Variants in NBEA observed in about 807,000 individuals in gnomAD.
The protein encoded by NBEA is lysosomal-trafficking regulator 2.
NBEA carries 44 observed loss-of-function variants against 343.4 expected under a neutral mutation model. The ratio of observed to expected loss-of-function variants is 0.13; its 90% confidence interval spans 0.10 to 0.16. The LOEUF is 0.16. Ranked by LOEUF, NBEA falls within the 10% of genes least tolerant of loss-of-function variation. The probability of loss-of-function intolerance (pLI) is 1.00; values close to 1 mark genes in which losing one functional copy is unlikely to be tolerated. For missense variants in NBEA, 2,555 were observed against 3,631.3 expected, an observed-to-expected ratio of 0.70 and a Z score of 7.62; for synonymous variants, 1,175 against 1,238.7, an observed-to-expected ratio of 0.95 and a Z score of 1.08.
intron 45 of NBEA, among the ~76,000 whole-genome samples, chr13:35,570,128 G>T (rs1198819150): frequency 6.6e-6 from 1 of 152,156 alleles, no homozygotes; most frequent in Non-Finnish European, 1.5e-5. Flanking sequence ...CCTCCTCCCA[G>T]GTTCAAGCGA....
At chr13:35,327,473 G>A (rs2038646008) in intron 36 of NBEA, among the ~76,000 whole-genome samples, 1 of 152,014 alleles carries the variant, frequency 6.6e-6, no homozygotes, top group Admixed American at 6.6e-5. Flanking sequence ...CACGTTCTTT[G>A]CAGCAATATC....
At chr13:35,064,458 A>G (rs766035334) in intron 8 of NBEA, among the ~76,000 whole-genome samples, 14 of 152,142 alleles carry the variant, frequency 9.2e-5, no homozygotes, top group Non-Finnish European at 1.9e-4. Flanking sequence ...CATAAAGAAC[A>G]GTCTCAGAAT....
At chr13:35,224,987 G>A (rs1444689392) in intron 33 of NBEA, among the ~76,000 whole-genome samples, 1 of 152,026 alleles carries the variant, frequency 6.6e-6, no homozygotes, top group Non-Finnish European at 1.5e-5. Flanking sequence ...TGTGTACCAC[G>A]GACTTTAAAT....
intron 41 of NBEA, among the ~76,000 whole-genome samples, chr13:35,486,091 C>G (rs1031993521): frequency 2.1e-4 from 32 of 152,128 alleles, no homozygotes; most frequent in African/African-American, 7.7e-4. Context: ...ATGGTAAAGC[C>G]TCAATTCTCC....
chr13:35,063,217 G>A (rs1337699856), intron 8 of NBEA, among the ~76,000 whole-genome samples: 1 of 151,954 alleles, frequency 6.6e-6, no homozygotes, highest in Non-Finnish European at 1.5e-5. Context: ...AAGCAGTTGG[G>A]CACTGTTCTA....
At chr13:35,648,499 A>G (rs2084356485) in intron 51 of NBEA, among the ~76,000 whole-genome samples, 1 of 152,118 alleles carries the variant, frequency 6.6e-6, no homozygotes, top group African/African-American at 2.4e-5. Context: ...TAATAATAAT[A>G]AAAATATTTA....
At chr13:35,137,383 G>A (rs1384183206) in intron 17 of NBEA, among the ~76,000 whole-genome samples, 2 of 151,828 alleles carry the variant, frequency 1.3e-5, no homozygotes, top group African/African-American at 4.8e-5. Flanking sequence ...GCAGGAGGCG[G>A]AGCTTGCAGT....
intron 34 of NBEA, among the ~76,000 whole-genome samples, chr13:35,238,423 A>G (rs567591770): frequency 1.3e-5 from 2 of 152,284 alleles, no homozygotes; most frequent in African/African-American, 2.4e-5. Flanking sequence ...GTATCTACTC[A>G]GTGTTTTTAC....
chr13:35,480,657 C>T (rs1398105856), intron 41 of NBEA, among the ~76,000 whole-genome samples: 2 of 151,882 alleles, frequency 1.3e-5, no homozygotes, highest in African/African-American at 4.8e-5. Flanking sequence ...TTGTAGCCAT[C>T]TGATTTCTTT....
At chr13:35,631,286 T>C (rs983643403) in intron 49 of NBEA, among the ~76,000 whole-genome samples, 11 of 152,174 alleles carry the variant, frequency 7.2e-5, no homozygotes, top group Non-Finnish European at 1.5e-4. Flanking sequence ...GGAGGCACAA[T>C]ACCTTTTTTT....
At chr13:35,309,456 T>A in intron 35 of NBEA, 72 bp from the exon 36 acceptor site, 1 of 781,770 alleles carries the variant, frequency 1.3e-6, no homozygotes, top group Non-Finnish European at 2.1e-6. Context: ...AATATCAACA[T>A]GATCCTTAAA....
intron 8 of NBEA, among the ~76,000 whole-genome samples, chr13:35,066,136 T>A (rs1246971076): frequency 6.6e-6 from 1 of 152,002 alleles, no homozygotes; most frequent in Non-Finnish European, 1.5e-5. Context: ...AATTTTTCAG[T>A]TTTTTATGGA....
intron 34 of NBEA, among the ~76,000 whole-genome samples, chr13:35,273,507 G>T (rs1809200277): frequency 6.6e-6 from 1 of 152,018 alleles, no homozygotes; most frequent in African/African-American, 2.4e-5. Context: ...AAATAACTAA[G>T]ATAAAGAGCA....
chr13:35,126,873 G>C (rs540822996), intron 17 of NBEA, among the ~76,000 whole-genome samples: 1 of 150,058 alleles, frequency 6.7e-6, no homozygotes, highest in East Asian at 2.0e-4. Flanking sequence ...AGCTGAGACC[G>C]TGCCATTGCA....
Position 35,159,909 on chromosome 13 carries a change from T to G in NBEA, c.3738T>G (p.Ser1246=). ...CTGCTACAACTCTGGAAACTGAGTCTTCTAGTAGCAAAATTGTACCAAATA... is the reference window on the plus strand; with the variant it reads ...CTGCTACAACTCTGGAAACTGAGTCGTCTAGTAGCAAAATTGTACCAAATA... ...EMTATTLETE[S]SSSKIVPNID... The change falls in exon 22 of 59, where the codon TCT becomes TCG. Residue 1246 remains serine (S), a synonymous_variant. Transcript: ENST00000379939. 1 of 1,597,248 alleles carries G rather than the reference T, an allele frequency of 6.3e-7. No homozygotes were observed. Among genetic ancestry groups the G allele is most frequent in the Non-Finnish European group, 8.5e-7 (1 of 1,171,024 alleles).
chr13:34,993,123 G>A (rs112402857), intron 1 of NBEA, among the ~76,000 whole-genome samples: 4,106 of 152,112 alleles, frequency 0.027, 72 homozygotes, highest in Non-Finnish European at 0.043. Context: ...ATCTTATATC[G>A]TATCTTATTA....
At chr13:35,108,570 T>C (rs1324970311) in intron 11 of NBEA, among the ~76,000 whole-genome samples, 1 of 152,124 alleles carries the variant, frequency 6.6e-6, no homozygotes, top group African/African-American at 2.4e-5. Context: ...TTTAAAAATA[T>C]TCTGAGCTGG....
intron 41 of NBEA, among the ~76,000 whole-genome samples, chr13:35,487,358 C>T (rs1452446880): frequency 2.6e-5 from 4 of 151,876 alleles, no homozygotes; most frequent in Non-Finnish European, 5.9e-5. Context: ...TTGTATTTCA[C>T]TCTACATAAA....
intron 34 of NBEA, among the ~76,000 whole-genome samples, chr13:35,264,379 T>G (rs925786165): frequency 2.6e-5 from 4 of 151,768 alleles, no homozygotes; most frequent in African/African-American, 9.7e-5. Flanking sequence ...GAAGAGGAGG[T>G]AATATTTCCA....
Sources: allele counts gnomAD v4.1 joint callset (sites outside exome capture counted in the v4.1 genomes callset), GRCh38; gene constraint gnomAD v4.1.1; transcripts MANE v1.5; gene names NCBI Gene and HGNC (gene_info 2026-07-23, HGNC 2026-07-21).